Variants in UNC79 observed in about 807,000 individuals in gnomAD.
UNC79 encodes the protein unc-79 subunit of NALCN channel complex, also known as protein unc-79 homolog.
Under a neutral mutation model 283.1 loss-of-function variants are expected in UNC79, and 37 were observed. The observed-to-expected ratio is 0.13, with a 90% CI of 0.10 to 0.17. The LOEUF (loss-of-function observed/expected upper bound fraction) is 0.17, where lower values mean the gene tolerates loss of function less well. Among genes scored for constraint, UNC79 ranks in the 10% least tolerant of loss-of-function variants. UNC79 has a pLI of 1.00. For missense variants in UNC79, 2,272 were observed against 3,211.1 expected (o/e 0.71, Z 7.07); for synonymous variants, 1,107 against 1,200.2 (o/e 0.92, Z 1.61).
chr14:93,706,414 C>T (rs2075882759), intron 48 of UNC79, among the ~76,000 whole-genome samples: 1 of 152,152 alleles, frequency 6.6e-6, no homozygotes, highest in Non-Finnish European at 1.5e-5. Context: ...TTCACTGGGG[C>T]CAAGTTTATG....
chr14:93,386,893 A>G (rs1286293205), intron 1 of UNC79, among the ~76,000 whole-genome samples: 1 of 47,882 alleles, frequency 2.1e-5, no homozygotes, highest in East Asian at 7.7e-4. Flanking sequence ...GATCTTTTGT[A>G]TTGTTTCATT....
chr14:93,527,395 A>C lies in UNC79; in HGVS notation c.964-1163A>C, dbSNP rs188824213. On this transcript the variant is annotated intron_variant, in intron 8 of 48. Transcript: ENST00000555664. ...CACAAAGCCTAAAATATTTACAAAA[A>C]AAGTTTGCCAATCTCTGATTTAACA... Among the ~76,000 whole-genome samples the C allele has an allele frequency of 1.9e-3, 290 of 152,382 alleles. 2 individuals are homozygous for C. The highest frequency in any genetic ancestry group is 6.6e-3 in the African/African-American group (275 of 41,584).
At chr14:93,516,724 A>C (rs1479302636) in intron 7 of UNC79, among the ~76,000 whole-genome samples, 1 of 152,096 alleles carries the variant, frequency 6.6e-6, no homozygotes, top group Non-Finnish European at 1.5e-5. Flanking sequence ...CTGGGATTAC[A>C]GGTGTGAGCC....
intron 33 of UNC79, among the ~76,000 whole-genome samples, chr14:93,642,359 A>G (rs2140216183): frequency 1.4e-5 from 2 of 145,090 alleles, no homozygotes; most frequent in East Asian, 4.2e-4. Context: ...TGGGAGGCGG[A>G]GCTTGCAGTG....
At chr14:93,563,896 G>A (rs971632214) in intron 14 of UNC79, among the ~76,000 whole-genome samples, 2 of 152,010 alleles carry the variant, frequency 1.3e-5, no homozygotes, top group Non-Finnish European at 2.9e-5. Flanking sequence ...TATGCATCAG[G>A]TGTGAGGAAG....
intron 1 of UNC79, among the ~76,000 whole-genome samples, chr14:93,445,646 C>T (rs1758773804): frequency 6.6e-6 from 1 of 152,058 alleles, no homozygotes; most frequent in Admixed American, 6.5e-5. Flanking sequence ...GAAGTGTTTC[C>T]TTTTCTATAG....
intron 41 of UNC79, among the ~76,000 whole-genome samples, chr14:93,677,464 C>A (rs907392778): frequency 1.3e-5 from 2 of 152,140 alleles, no homozygotes; most frequent in African/African-American, 4.8e-5. Flanking sequence ...TTTATAAAAC[C>A]ATCAGATCTT....
intron 7 of UNC79, among the ~76,000 whole-genome samples, chr14:93,500,294 A>G (rs1032962733): frequency 1.3e-5 from 2 of 152,178 alleles, no homozygotes; most frequent in African/African-American, 4.8e-5. Flanking sequence ...GAGGGCATTC[A>G]TTCTTCAGTC....
chr14:93,354,962 A>G (rs2054054487), intron 1 of UNC79, among the ~76,000 whole-genome samples: 1 of 151,952 alleles, frequency 6.6e-6, no homozygotes, highest in African/African-American at 2.4e-5. Flanking sequence ...GTAAGCTAGT[A>G]TGGTCATTTC....
chr14:93,386,935 T>TGC (rs2054788901), intron 1 of UNC79, among the ~76,000 whole-genome samples: 3 of 26,120 alleles, frequency 1.1e-4, no homozygotes, highest in Non-Finnish European at 2.6e-4. Context: ...TGCTTTTTTT[T>TGC]TTTTTTTTTT....
chr14:93,353,071 T>G (rs2054011136), intron 1 of UNC79, among the ~76,000 whole-genome samples: 1 of 152,232 alleles, frequency 6.6e-6, no homozygotes, highest in Non-Finnish European at 1.5e-5. Context: ...CTGAGCTTCC[T>G]TATTCCACTG....
intron 38 of UNC79, among the ~76,000 whole-genome samples, chr14:93,656,144 A>C (rs949813896): frequency 6.6e-6 from 1 of 152,234 alleles, no homozygotes; most frequent in African/African-American, 2.4e-5. Context: ...TTTCACTAGC[A>C]GACTCTTCTT....
At position 93,653,909 on chromosome 14, in the gene UNC79, C is replaced by A. The variant is rs775820982; in HGVS notation, c.6197-31C>A. 1.9e-6 allele frequency: 3 copies of A among 1,613,962 alleles called. No homozygotes were observed. The East Asian group carries it at 6.7e-5, about 36-fold the overall frequency. On this transcript the variant is annotated intron_variant, in intron 36 of 48. Transcript: ENST00000555664. ...ACAAATTTGCCTCATCCCAGACACC[C>A]AAACACTAAATCCGATCGTTGACTT...
In UNC79 at chr14:93,577,827, C is replaced by CA. The variant is rs1566689457; in HGVS notation, c.2212-14dup. On this transcript the variant is annotated splice_polypyrimidine_tract_variant and intron_variant, in intron 17 of 48. Transcript: ENST00000555664. ...CTGTGAGTTCATTTCTATGTGTTGC[C>CA]ATTCTTTCTTGTAGGTGAGTGTTGC... 1 of 1,611,882 alleles carries CA rather than the reference C, an allele frequency of 6.2e-7. No individual in the cohort carries two copies. The highest frequency in any genetic ancestry group is 1.3e-5 in the African/African-American group (1 of 74,934).
At chr14:93,469,673 A>C (rs1455841414) in intron 2 of UNC79, among the ~76,000 whole-genome samples, 1 of 152,152 alleles carries the variant, frequency 6.6e-6, no homozygotes, top group African/African-American at 2.4e-5. Context: ...ACCAGCCACA[A>C]GTTTGAGATC....
chr14:93,675,587 T>C (rs182001700), intron 41 of UNC79, among the ~76,000 whole-genome samples: 1 of 152,300 alleles, frequency 6.6e-6, no homozygotes, highest in Admixed American at 6.5e-5. Flanking sequence ...GTTGACCCAG[T>C]AGAGAAGATG....
chr14:93,573,593 C>T (rs186697789), intron 16 of UNC79, among the ~76,000 whole-genome samples: 23 of 152,330 alleles, frequency 1.5e-4, no homozygotes, highest in African/African-American at 5.3e-4. Context: ...GATACAGGTA[C>T]ATTTCTGTGT....
At chr14:93,387,571 T>C (rs2054804805) in intron 1 of UNC79, among the ~76,000 whole-genome samples, 1 of 152,222 alleles carries the variant, frequency 6.6e-6, no homozygotes, top group South Asian at 2.1e-4. Context: ...CGTTATTCAT[T>C]TGTAGTTTTA....
intron 42 of UNC79, among the ~76,000 whole-genome samples, chr14:93,685,686 T>C (rs2074184377): frequency 1.3e-5 from 2 of 152,206 alleles, no homozygotes; most frequent in Non-Finnish European, 1.5e-5. Flanking sequence ...GGAAGGCCTT[T>C]AGCGTAGTAT....
Sources: gnomAD v4.1 joint callset for allele counts (sites outside exome capture counted in the v4.1 genomes callset) on GRCh38, gnomAD v4.1.1 for gene constraint, MANE v1.5 for transcripts, NCBI Gene and HGNC (gene_info 2026-07-23, HGNC 2026-07-21) for gene names.